Variants in MUC22 observed in about 807,000 individuals in gnomAD.
MUC22 encodes mucin-22.
A neutral mutation model predicts 40.3 loss-of-function variants in MUC22; 24 were observed. That is an observed-to-expected ratio of 0.60 (90% CI 0.43 to 0.84). The LOEUF (loss-of-function observed/expected upper bound fraction) is 0.84. Among genes scored for constraint, MUC22 ranks in the 40% least tolerant of loss-of-function variants. The pLI, the probability that MUC22 is intolerant of heterozygous loss-of-function variation, is 0.00. For synonymous variants in MUC22, 765 were observed against 844.5 expected, an observed-to-expected ratio of 0.91 and a Z score of 1.63; for missense variants, 1,926 against 2,130.7, an observed-to-expected ratio of 0.90 and a Z score of 1.89.
In MUC22 at chr6:31,011,813, G is replaced by T. The variant is rs1375258209; in HGVS notation, c.70+1037G>T. Among the ~76,000 whole-genome samples, 1 of 152,208 alleles carries T rather than the reference G, an allele frequency of 6.6e-6. No homozygotes were observed. The highest frequency in any genetic ancestry group is 1.5e-5 in the Non-Finnish European group (1 of 68,034). On this transcript the variant is annotated intron_variant, in intron 1 of 3. Transcript: ENST00000561890. This position sits in a 1 kb window ranked among gnomAD's most constrained non-coding sequence, Gnocchi z 4.5. The stretch of plus-strand genomic sequence containing the variant: ...AGTTTACATTCCCACTAGCAGTGTA[G>T]AAGTGTTCCCTGATCACTGCATCTA...
intron 1 of MUC22, among the ~76,000 whole-genome samples, chr6:31,025,174 A>G (rs1765177445): frequency 6.6e-6 from 1 of 152,074 alleles, no homozygotes; most frequent in Admixed American, 6.6e-5. Context: ...TATCCTTCAG[A>G]TCTCAGTTCA....
At chr6:31,020,880 G>C (rs1320007720) in intron 1 of MUC22, among the ~76,000 whole-genome samples, 1 of 152,232 alleles carries the variant, frequency 6.6e-6, no homozygotes, top group Non-Finnish European at 1.5e-5. Flanking sequence ...TGGCTGCGGA[G>C]GGTGTACTAG....
chr6:31,021,792 C>A (rs1764770751), intron 1 of MUC22, among the ~76,000 whole-genome samples: 1 of 152,066 alleles, frequency 6.6e-6, no homozygotes, highest in Admixed American at 6.6e-5. Flanking sequence ...GTGGGTGGGG[C>A]CAGATAAGAG....
rs138910198 is a variant in MUC22, at chr6:31,034,840, G to A, written c.5224G>A (p.Gly1742Ser). The change falls in exon 4 of 4, where the codon GGC (glycine) becomes AGC (serine). Residue 1742 changes from glycine (G) to serine (S), a missense_variant. Gly to Ser is a moderately conservative substitution (Grantham distance 56). This residue lies in a region of MUC22 where 610 missense variants were observed against 714.6 expected (regional missense o/e 0.85). Transcript: ENST00000561890. ...TGAAATGGGACATGGAGGAACACAC[G>A]GCTTTGGATATGGAGTGGGCCATGG... 77 of 1,535,518 alleles carry A rather than the reference G, an allele frequency of 5.0e-5. No homozygotes were observed. Among genetic ancestry groups the A allele is most frequent in the Non-Finnish European group, 6.0e-5 (69 of 1,146,822 alleles).
Position 31,024,869 on chromosome 6 carries a change from CTT to C in MUC22, c.71-616_71-615del, listed in dbSNP as rs10685711. On this transcript the variant is annotated intron_variant, in intron 1 of 3. Coordinates refer to ENST00000561890, the Ensembl canonical transcript of MUC22. The stretch of plus-strand genomic sequence containing the variant: ...TCCTGGCCTTTCAAATTGCTGCCTT[CTT>C]TTTTTTTTTTTTTTTTAAGATGGAG... Among the ~76,000 whole-genome samples, 93 of 135,880 alleles carry C rather than the reference CTT, an allele frequency of 6.8e-4. 2 individuals carry two copies. Among genetic ancestry groups the C allele is most frequent in the Admixed American group, 2.5e-3 (33 of 13,370 alleles). The allele number at this position is 135,880 out of a possible 152,430, so 89.1% of individuals were successfully genotyped here. A position where few individuals can be genotyped will look rare whatever the true frequency, so the allele number is the denominator to read the frequency against.
chr6:31,031,648 C>T (rs1277749180), intron 2 of MUC22, among the ~76,000 whole-genome samples: 1 of 152,150 alleles, frequency 6.6e-6, no homozygotes, highest in Admixed American at 6.5e-5. Context: ...TATTTGAAGT[C>T]TTTTATCCCT....
At chr6:31,025,586 C>CTGCAGGCTCTGAAACTAT (rs1289197318) in exon 2 of MUC22, 1 of 1,523,894 alleles carries the variant, frequency 6.6e-7, no homozygotes, top group Admixed American at 2.0e-5. Flanking sequence ...ATGGCCTCCA[C>CTGCAGGCTCTGAAACTAT]CATGGCCTCT....
chr6:31,017,668 AC>A (rs926685503), intron 1 of MUC22, among the ~76,000 whole-genome samples: 12 of 152,212 alleles, frequency 7.9e-5, no homozygotes, highest in Admixed American at 7.2e-4. Flanking sequence ...GACTTGGAGA[AC>A]TTTTGTGTCT....
intron 1 of MUC22, among the ~76,000 whole-genome samples, chr6:31,015,345 T>C (rs1764120303): frequency 6.6e-6 from 1 of 152,136 alleles, no homozygotes; most frequent in Non-Finnish European, 1.5e-5. Flanking sequence ...ATTAAAAATA[T>C]ATATACAAGC....
intron 1 of MUC22, among the ~76,000 whole-genome samples, chr6:31,022,120 G>A (rs568470814): frequency 2.2e-4 from 34 of 152,130 alleles, no homozygotes; most frequent in South Asian, 1.0e-3. Context: ...AAGAAACTCC[G>A]AACACATCTG....
Position 31,032,616 on chromosome 6 carries a change from G to A in MUC22, c.5055+35G>A. ...CAGGGTGGGTTCATAGGGGAGCCTG[G>A]CAAGAAGGCAGGGGGGAATCATGTC... is the stretch of plus-strand genomic sequence containing the variant. On this transcript the variant is annotated intron_variant, in intron 3 of 3. Coordinates refer to ENST00000561890, the Ensembl canonical transcript of MUC22. This position sits in a 1 kb window ranked among gnomAD's most constrained non-coding sequence, Gnocchi z 4.1. The A allele has an allele frequency of 6.7e-7, 1 of 1,503,324 alleles. No homozygotes were observed. 93.1% of individuals were successfully genotyped at this position (1,503,324 alleles called of 1,614,324 possible).
At chr6:31,010,479 A>G (rs1208280860) in exon 1 of MUC22, 1 of 548,414 alleles carries the variant, frequency 1.8e-6, no homozygotes, top group Non-Finnish European at 3.2e-6. Flanking sequence ...CGAGGAAAAA[A>G]GAAGAAAAAT....
At position 31,032,308 on chromosome 6, in the gene MUC22, C is replaced by T; in HGVS notation, c.4782C>T (p.Asn1594=). Residue 1594 remains asparagine, a synonymous_variant, in exon 3 of 4, where the codon AAC becomes AAT. Transcript: ENST00000561890. This position sits in a 1 kb window ranked among gnomAD's most constrained non-coding sequence, Gnocchi z 4.1. ...ATACTGTGCCAGGAATAGTCTTAAA[C>T]ACCTCTGGCCTGGGTACATCCACTA... is the stretch of plus-strand genomic sequence containing the variant. 1 of 1,535,682 alleles carries T rather than the reference C, an allele frequency of 6.5e-7. No homozygotes were observed. Among genetic ancestry groups the T allele is most frequent in the East Asian group, 2.4e-5 (1 of 40,916 alleles).
At chr6:31,024,618 A>G (rs1345343370) in intron 1 of MUC22, among the ~76,000 whole-genome samples, 1 of 152,188 alleles carries the variant, frequency 6.6e-6, no homozygotes, top group Non-Finnish European at 1.5e-5. Context: ...TGTAAAGAAG[A>G]GTTTAGAATA....
At chr6:31,013,091 C>T (rs1763960363) in intron 1 of MUC22, among the ~76,000 whole-genome samples, 1 of 148,874 alleles carries the variant, frequency 6.7e-6, no homozygotes, top group Non-Finnish European at 1.5e-5. Flanking sequence ...CACTCCTCAG[C>T]CACCACCTCT....
At position 31,012,500 on chromosome 6, in the gene MUC22, C is replaced by G. The variant is rs192669802; in HGVS notation, c.70+1724C>G. ...AGAAACTGTCATTCATGTAGTCATTCAACAAACATTTATAGAGCTCCTCCT... is the reference window on the plus strand; with the variant it reads ...AGAAACTGTCATTCATGTAGTCATTGAACAAACATTTATAGAGCTCCTCCT... On this transcript the variant is annotated intron_variant, in intron 1 of 3. Transcript: ENST00000561890. 2.1e-3 allele frequency among the ~76,000 whole-genome samples: 320 copies of G among 152,334 alleles called. 2 individuals are homozygous for G. The highest frequency in any genetic ancestry group is 9.1e-4 in the Non-Finnish European group (62 of 68,030).
chr6:31,021,876 T>C (rs1168630710), intron 1 of MUC22, among the ~76,000 whole-genome samples: 1 of 151,062 alleles, frequency 6.6e-6, no homozygotes, highest in South Asian at 2.1e-4. Context: ...AACTTTGTTC[T>C]TTTGCTCTTT....
chr6:31,021,946 C>T (rs117426107), intron 1 of MUC22, among the ~76,000 whole-genome samples: 1,823 of 152,246 alleles, frequency 0.012, 26 homozygotes, highest in Middle Eastern at 0.02. Flanking sequence ...ATCTGTAACA[C>T]TCACCGTAAA....
intron 1 of MUC22, among the ~76,000 whole-genome samples, chr6:31,018,821 G>T (rs1435392488): frequency 6.6e-6 from 1 of 152,156 alleles, no homozygotes; most frequent in Non-Finnish European, 1.5e-5. Flanking sequence ...CTATTCTCTT[G>T]ACTTCCTTGA....
Sources: gnomAD v4.1 joint callset for allele counts (sites outside exome capture counted in the v4.1 genomes callset) on GRCh38, gnomAD v4.1.1 for gene constraint, gnomAD v4.1.1 regional missense constraint, Gnocchi (gnomAD v3.1) non-coding constraint, MANE v1.5 for transcripts, NCBI Gene and HGNC (gene_info 2026-07-23, HGNC 2026-07-21) for gene names.